Variants in ZMIZ1 observed in about 807,000 individuals in gnomAD.
ZMIZ1 encodes the protein zinc finger MIZ domain-containing protein 1.
Under a neutral mutation model 113.9 loss-of-function variants are expected in ZMIZ1, and 17 were observed. That is an observed-to-expected ratio of 0.15 (90% CI 0.10 to 0.22). The LOEUF is 0.22. Among genes scored for constraint, ZMIZ1 ranks in the 10% least tolerant of loss-of-function variants. The probability of loss-of-function intolerance (pLI) is 1.00; values close to 1 mark genes in which losing one functional copy is unlikely to be tolerated. For missense variants in ZMIZ1, 1,059 were observed against 1,477.8 expected (o/e 0.72, Z 4.65); for synonymous variants, 607 against 603.1 (o/e 1.01, Z -0.09).
chr10:79,090,676 G>T (rs938308028), intron 1 of ZMIZ1, among the ~76,000 whole-genome samples: 1 of 152,202 alleles, frequency 6.6e-6, no homozygotes, highest in Non-Finnish European at 1.5e-5. Context: ...AGTGTGCAGC[G>T]GTGCGTTTCC....
At chr10:79,294,881 T>G (rs1159007914) in intron 12 of ZMIZ1, 1 of 144,200 alleles carries the variant, frequency 6.9e-6, no homozygotes, top group East Asian at 2.1e-4. Context: ...GTATCCACCT[T>G]AGGATGGGCG....
At chr10:79,274,371 ATG>A (rs886461827) in intron 7 of ZMIZ1, among the ~76,000 whole-genome samples, 9 of 152,042 alleles carry the variant, frequency 5.9e-5, no homozygotes, top group African/African-American at 1.9e-4. Context: ...CCCAGTCCAG[ATG>A]TGTGAGTGAC....
intron 4 of ZMIZ1, among the ~76,000 whole-genome samples, chr10:79,169,649 G>A (rs1291994427): frequency 6.6e-6 from 1 of 152,264 alleles, no homozygotes; most frequent in Non-Finnish European, 1.5e-5. Flanking sequence ...AGTGTGGCGT[G>A]TGGTCAAAGT....
chr10:79,193,330 T>C lies in ZMIZ1; in HGVS notation c.-49-8254T>C, dbSNP rs1266673947. On this transcript the variant is annotated intron_variant, in intron 4 of 24. Transcript: ENST00000334512. Reference sequence around the variant, plus strand: ...CAGTCCAAAAACTTCACTATGAGAATGTAAAAGGTTTGTCCATGGACCTTC... The same window carrying C: ...CAGTCCAAAAACTTCACTATGAGAACGTAAAAGGTTTGTCCATGGACCTTC... Among the ~76,000 whole-genome samples, 3 of 152,230 alleles carry C rather than the reference T, an allele frequency of 2.0e-5. No individual in the cohort carries two copies. In the East Asian group the frequency reaches 5.8e-4, roughly 29 times the overall value.
chr10:79,181,163 G>T (rs969308755), intron 4 of ZMIZ1, among the ~76,000 whole-genome samples: 1 of 152,166 alleles, frequency 6.6e-6, no homozygotes, highest in East Asian at 1.9e-4. Flanking sequence ...GCAGGCTTGG[G>T]CAGGAGCAGG....
Position 79,311,089 on chromosome 10 carries a change from C to G in ZMIZ1, c.3001C>G (p.His1001Asp). 6.2e-7 allele frequency: 1 copy of G among 1,613,756 alleles called. No homozygotes were observed. The highest frequency in any genetic ancestry group is 1.1e-5 in the South Asian group (1 of 91,084). ...RQPPQAAPSS[H>D]PHSDLTFNPS... is the part of the protein sequence containing the mutation. The stretch of plus-strand genomic sequence containing the variant: ...GCCGCCACAGGCCGCTCCCAGCAGC[C>G]ATCCACACAGCGACCTGACCTTTAA... The change falls in exon 24 of 25, where the codon CAT becomes GAT. Residue 1001 changes from histidine to aspartate, a missense_variant. Coordinates refer to ENST00000334512, the MANE Select transcript of ZMIZ1 (RefSeq NM_020338.4).
chr10:79,093,875 T>C (rs1843077698), intron 1 of ZMIZ1, among the ~76,000 whole-genome samples: 1 of 152,084 alleles, frequency 6.6e-6, no homozygotes, highest in Non-Finnish European at 1.5e-5. Context: ...CAGAGGACTT[T>C]GTGTATTGGG....
intron 1 of ZMIZ1, among the ~76,000 whole-genome samples, chr10:79,076,131 CT>C (rs1396743122): frequency 6.6e-6 from 1 of 152,144 alleles, no homozygotes; most frequent in African/African-American, 2.4e-5. Context: ...CTGGTCTGGC[CT>C]TTCCTTTCCT....
intron 12 of ZMIZ1, chr10:79,295,382 G>C (rs1277228038): frequency 6.6e-6 from 1 of 152,230 alleles, no homozygotes; most frequent in African/African-American, 2.4e-5. Flanking sequence ...CCCAGCTACA[G>C]CACTGGGTGG....
chr10:79,291,107 C>A lies in ZMIZ1; in HGVS notation c.689C>A (p.Ala230Asp). 6.2e-7 allele frequency: 1 copy of A among 1,614,192 alleles called. No individual in the cohort carries two copies. Among genetic ancestry groups the A allele is most frequent in the Non-Finnish European group, 8.5e-7 (1 of 1,180,042 alleles). The stretch of plus-strand genomic sequence containing the variant: ...CAGTTCTCAGCCAAGGCTGGCCCCG[C>A]TCAGCCCTACATCCAGCAGAGCATG... Reference protein sequence around the residue: ...QQQFSAKAGPAQPYIQQSMYG... With the variant: ...QQQFSAKAGPDQPYIQQSMYG... The change falls in exon 10 of 25, where the codon GCT (alanine) becomes GAT (aspartate). Residue 230 changes from alanine to aspartate, a missense_variant. Around this residue, in one of 6 missense-constraint regions of ZMIZ1, gnomAD observed 272 missense variants for 350.4 expected, o/e 0.78. Coordinates refer to ENST00000334512, the MANE Select transcript of ZMIZ1 (RefSeq NM_020338.4).
intron 7 of ZMIZ1, among the ~76,000 whole-genome samples, chr10:79,274,372 T>C (rs1412646452): frequency 6.6e-6 from 1 of 152,102 alleles, no homozygotes; most frequent in Non-Finnish European, 1.5e-5. Flanking sequence ...CCAGTCCAGA[T>C]GTGTGAGTGA....
At chr10:79,197,136 G>C (rs1441641134) in intron 4 of ZMIZ1, among the ~76,000 whole-genome samples, 2 of 152,228 alleles carry the variant, frequency 1.3e-5, no homozygotes, top group African/African-American at 4.8e-5. Context: ...AGGTTTCTTT[G>C]TACTTCTCTT....
At chr10:79,141,191 C>T (rs1306709399) in intron 3 of ZMIZ1, among the ~76,000 whole-genome samples, 2 of 152,106 alleles carry the variant, frequency 1.3e-5, no homozygotes, top group African/African-American at 4.8e-5. Context: ...GAGGAGGAGG[C>T]GGCATTGCTC....
chr10:79,152,956 G>T (rs1338481168), intron 3 of ZMIZ1, among the ~76,000 whole-genome samples: 1 of 152,242 alleles, frequency 6.6e-6, no homozygotes, highest in African/African-American at 2.4e-5. Flanking sequence ...CCACCATGGG[G>T]GTCCAGCCTT....
At chr10:79,282,229 A>G (rs193228386) in intron 8 of ZMIZ1, among the ~76,000 whole-genome samples, 1 of 152,346 alleles carries the variant, frequency 6.6e-6, no homozygotes, top group East Asian at 1.9e-4. Context: ...CACAATTAGC[A>G]AACTGTTTTA....
At chr10:79,308,516 G>A (rs1422179884) in intron 23 of ZMIZ1, among the ~76,000 whole-genome samples, 1 of 152,176 alleles carries the variant, frequency 6.6e-6, no homozygotes, top group Non-Finnish European at 1.5e-5. Flanking sequence ...GAGTCTGGCA[G>A]TGGGCTTGGG....
At chr10:79,238,761 A>C (rs1015527307) in intron 7 of ZMIZ1, among the ~76,000 whole-genome samples, 3 of 152,010 alleles carry the variant, frequency 2.0e-5, no homozygotes, top group Non-Finnish European at 4.4e-5. Flanking sequence ...AATTGTCTAA[A>C]CCTCCCTGCG....
intron 2 of ZMIZ1, among the ~76,000 whole-genome samples, chr10:79,122,003 C>T (rs1844311076): frequency 6.6e-6 from 1 of 151,664 alleles, no homozygotes; most frequent in African/African-American, 2.4e-5. Context: ...ATGCAGAGCC[C>T]TTTGTTCATG....
At chr10:79,283,668 T>G (rs1852883694) in intron 8 of ZMIZ1, among the ~76,000 whole-genome samples, 1 of 152,148 alleles carries the variant, frequency 6.6e-6, no homozygotes, top group South Asian at 2.1e-4. Context: ...AAGGGGAGAA[T>G]TGAAAGACCC....
Sources: allele counts gnomAD v4.1 joint callset (sites outside exome capture counted in the v4.1 genomes callset), GRCh38; gene constraint gnomAD v4.1.1; regional missense constraint gnomAD v4.1.1; transcripts MANE v1.5; gene names NCBI Gene and HGNC (gene_info 2026-07-23, HGNC 2026-07-21).